The following STAC2 variants were observed in gnomAD, a reference collection of about 807,000 sequenced individuals.
The protein encoded by STAC2 is SH3 and cysteine-rich domain-containing protein 2.
A neutral mutation model predicts 49.0 loss-of-function variants in STAC2; 36 were observed. That is an observed-to-expected ratio of 0.74 (90% confidence interval 0.56 to 0.97). STAC2 has a LOEUF of 0.97. STAC2 is among the 50% of genes least tolerant of loss of function. The pLI, the probability that STAC2 is intolerant of heterozygous loss-of-function variation, is 0.00. For missense variants in STAC2, 527 were observed against 543.8 expected (o/e 0.97, Z 0.31); for synonymous variants, 239 against 214.7 (o/e 1.11, Z -0.99).
chr17:39,211,689 GA>G lies in STAC2; in HGVS notation c.*602del, dbSNP rs1002978058. 1 of 152,816 alleles carries G rather than the reference GA, an allele frequency of 6.5e-6. No homozygotes were observed. Among genetic ancestry groups the G allele is most frequent in the African/African-American group, 2.4e-5 (1 of 41,418 alleles). 9.5% of individuals were successfully genotyped at this position (152,816 alleles called of 1,614,324 possible). The stretch of plus-strand genomic sequence containing the variant: ...TCCGCCCAGGTTTCAAGTAACGGGA[GA>G]GATTCCTGCAAAACTTTCCTGAGAA... On this transcript the variant is annotated 3_prime_UTR_variant, in exon 11 of 11. Coordinates refer to ENST00000333461, the MANE Select transcript of STAC2 (RefSeq NM_198993.5).
At chr17:39,213,414 G>A (rs2046372048) in intron 9 of STAC2, 93 bp downstream of exon 9, 2 of 1,485,344 alleles carry the variant, frequency 1.3e-6, no homozygotes, top group African/African-American at 1.4e-5. Context: ...TTGTCTTTGG[G>A]GCCTGGAGAG....
At chr17:39,224,741 C>T (rs2046494579) in intron 1 of STAC2, among the ~76,000 whole-genome samples, 1 of 152,168 alleles carries the variant, frequency 6.6e-6, no homozygotes, top group Non-Finnish European at 1.5e-5. Flanking sequence ...TCTTTCTGGT[C>T]TGGAGCCACA....
At chr17:39,216,314 T>C (rs533404801) in intron 4 of STAC2, among the ~76,000 whole-genome samples, 3 of 152,180 alleles carry the variant, frequency 2.0e-5, no homozygotes, top group Non-Finnish European at 4.4e-5. Flanking sequence ...ATTCCTTATC[T>C]TCCCCACTTA....
rs376996707 is a variant in STAC2, at chr17:39,225,553, C to G, written c.-51G>C. ...TGCCGAGATCCGACGGCAGGCCCAC[C>G]GCGGGCAGGCTGCGGGTGGCGGGCG... is the stretch of plus-strand genomic sequence containing the variant. On this transcript the variant is annotated 5_prime_UTR_variant, in exon 1 of 11. Coordinates refer to ENST00000333461, the MANE Select transcript of STAC2 (RefSeq NM_198993.5). The surrounding 1 kb of genome is among the most constrained non-coding windows in gnomAD (Gnocchi z 8.2). 280 of 1,566,422 alleles carry G rather than the reference C, an allele frequency of 1.8e-4. No homozygotes were observed. Among genetic ancestry groups the G allele is most frequent in the Non-Finnish European group, 2.4e-4 (273 of 1,145,304 alleles).
intron 1 of STAC2, among the ~76,000 whole-genome samples, chr17:39,224,666 C>CTT (rs2046493880): frequency 6.6e-6 from 1 of 152,346 alleles, no homozygotes; most frequent in South Asian, 2.1e-4. Flanking sequence ...GATGACTTCT[C>CTT]TTTTTGCTTC....
rs745556545 is a variant in STAC2 at position 39,212,309 on chromosome 17, C to T, written c.1219G>A (p.Ala407Thr). The change falls in exon 11 of 11, where the codon GCC becomes ACC. Residue 407 changes from alanine (A) to threonine (T), a missense_variant. Transcript: ENST00000333461. ...GGCTCCTCTCAGATCTCAGTCAGGG[C>T]GTCGACTGGCACCAGGCCCCGCTTC... is the stretch of plus-strand genomic sequence containing the variant. ...GKKRGLVPVD[A>T]LTEI The T allele has an allele frequency of 2.5e-6, 4 of 1,610,380 alleles. No homozygotes were observed. Among genetic ancestry groups the T allele is most frequent in the South Asian group, 1.1e-5 (1 of 90,146 alleles).
Position 39,216,757 on chromosome 17 carries a change from T to C in STAC2, c.586+53A>G, listed in dbSNP as rs111430728. The C allele has an allele frequency of 3.2e-4, 474 of 1,498,086 alleles. 1 individual carries two copies. The African/African-American group carries it at 5.7e-3, about 18-fold the overall frequency. The allele number at this position is 1,498,086 out of a possible 1,614,324, so 92.8% of individuals were successfully genotyped here. ...TGGCCAGGCTGGTCAGGGATGTTGA[T>C]TTCTCATCCCACCACAATGGGAGCA... On this transcript the variant is annotated intron_variant, in intron 4 of 10. Transcript: ENST00000333461.
chr17:39,212,160 C>T lies in STAC2; in HGVS notation c.*132G>A, dbSNP rs557987726. 2.2e-4 allele frequency: 135 copies of T among 613,106 alleles called. No homozygotes were observed. In the African/African-American group the frequency reaches 2.3e-3, roughly 10 times the overall value. 38.0% of individuals were successfully genotyped at this position (613,106 alleles called of 1,614,324 possible). A position where few individuals can be genotyped will look rare whatever the true frequency, so the allele number is the denominator to read the frequency against. ...CCCAGTACAAAAGGCTCCTAAGCCA[C>T]GGTAAGTGGCACCTAGGAGAGGGAC... is the stretch of plus-strand genomic sequence containing the variant. On this transcript the variant is annotated 3_prime_UTR_variant, in exon 11 of 11. Transcript: ENST00000333461.
rs181564469 is a variant in STAC2 at position 39,224,398 on chromosome 17, A to G, written c.90+1015T>C. ...CCCTTGGCACAGCCCTTTCTATCCC[A>G]ACCCCAGGCCCGCTCAGGTTGATCC... On this transcript the variant is annotated intron_variant, in intron 1 of 10. Coordinates refer to ENST00000333461, the MANE Select transcript of STAC2 (RefSeq NM_198993.5). Among the ~76,000 whole-genome samples the G allele has an allele frequency of 2.6e-5, 4 of 152,210 alleles. No individual in the cohort carries two copies. The East Asian group carries it at 7.8e-4, about 30-fold the overall frequency.
chr17:39,222,510 C>T (rs1335691772), intron 1 of STAC2, among the ~76,000 whole-genome samples: 2 of 152,356 alleles, frequency 1.3e-5, no homozygotes, highest in Non-Finnish European at 1.5e-5. Context: ...TCAGAGACAT[C>T]GGGCTTGGCT....
At position 39,212,349 on chromosome 17, in the gene STAC2, G is replaced by A. The variant is rs1430499895; in HGVS notation, c.1179C>T (p.Arg393=). ...GGCCCCGCTTCTTGCCACTGCTGAC[G>A]CGGATGAAGCCGTCAGCATCCTTGC... ...GRSKDADGFI[R]VSSGKKRGLV... is the part of the protein sequence containing the mutation. Residue 393 remains arginine, a synonymous_variant, in exon 11 of 11, where the codon CGC becomes CGT. Coordinates refer to ENST00000333461, the MANE Select transcript of STAC2 (RefSeq NM_198993.5). 5.0e-6 allele frequency: 8 copies of A among 1,612,280 alleles called. No individual in the cohort carries two copies. The highest frequency in any genetic ancestry group is 1.1e-5 in the South Asian group (1 of 90,584).
At chr17:39,224,367 G>A (rs1236451482) in intron 1 of STAC2, among the ~76,000 whole-genome samples, 1 of 152,202 alleles carries the variant, frequency 6.6e-6, no homozygotes, top group African/African-American at 2.4e-5. Context: ...GAGGTGGCAG[G>A]GCGCGCCCTT....
chr17:39,214,488 A>T (rs1159630429), intron 7 of STAC2, 158 bp from the exon 8 acceptor site: 1 of 979,442 alleles, frequency 1.0e-6, no homozygotes, highest in Non-Finnish European at 1.2e-6. Flanking sequence ...TGCTATGCTC[A>T]CCCACCCCAA....
chr17:39,219,314 C>T (rs935661876), intron 1 of STAC2, among the ~76,000 whole-genome samples: 3 of 151,632 alleles, frequency 2.0e-5, no homozygotes, highest in Non-Finnish European at 4.4e-5. Flanking sequence ...GAGCTTTTGA[C>T]ATGTTTGTCC....
intron 8 of STAC2, 78 bp from the exon 9 acceptor site, chr17:39,213,636 G>T: frequency 1.4e-6 from 2 of 1,383,876 alleles, no homozygotes; most frequent in Non-Finnish European, 2.1e-6. Flanking sequence ...CTGGGCACCT[G>T]GGGGACACTG....
In STAC2 at chr17:39,225,863, C is replaced by T. The variant is rs1193879973; in HGVS notation, c.-361G>A. 1.2e-5 allele frequency: 3 copies of T among 251,114 alleles called. No individual in the cohort carries two copies. Among genetic ancestry groups the T allele is most frequent in the Non-Finnish European group, 2.3e-5 (3 of 129,412 alleles). The allele number at this position is 251,114 out of a possible 1,614,324, so 15.6% of individuals were successfully genotyped here. The stretch of plus-strand genomic sequence containing the variant: ...AGCCGGCTCCGCCGTCCGCTGCGCC[C>T]GCCCCCCATCCCCTCCCCTCCCCCG... On this transcript the variant is annotated 5_prime_UTR_variant, in exon 1 of 11. Transcript: ENST00000333461. The surrounding 1 kb of genome is among the most constrained non-coding windows in gnomAD (Gnocchi z 8.2).
intron 4 of STAC2, among the ~76,000 whole-genome samples, chr17:39,216,170 T>G (rs3889904): frequency 6.6e-6 from 1 of 151,668 alleles, no homozygotes; most frequent in Non-Finnish European, 1.5e-5. Context: ...AATTTAGAGA[T>G]AGGGTCTCAC....
intron 1 of STAC2, among the ~76,000 whole-genome samples, chr17:39,220,637 G>A (rs1171184497): frequency 6.6e-6 from 1 of 151,864 alleles, no homozygotes; most frequent in Non-Finnish European, 1.5e-5. Flanking sequence ...ACCATGCCCG[G>A]CTAATTTTGT....
chr17:39,218,282 G>A (rs1157912260), intron 1 of STAC2, 109 bp from the exon 2 acceptor site: 3 of 1,157,968 alleles, frequency 2.6e-6, no homozygotes, highest in Non-Finnish European at 3.8e-6. Context: ...AGCAGCAGCA[G>A]CAGCGTGGGG....
Sources: allele counts gnomAD v4.1 joint callset (sites outside exome capture counted in the v4.1 genomes callset), GRCh38; gene constraint gnomAD v4.1.1; non-coding constraint Gnocchi (gnomAD v3.1); transcripts MANE v1.5; gene names NCBI Gene and HGNC (gene_info 2026-07-23, HGNC 2026-07-21).